The following KAZN variants were observed in gnomAD, a reference collection of about 807,000 sequenced individuals.
The protein encoded by KAZN is kazrin, periplakin interacting protein, also known as kazrin.
KAZN carries 40 observed loss-of-function variants against 87.4 expected under a neutral mutation model. The ratio of observed to expected loss-of-function variants is 0.46; its 90% CI spans 0.36 to 0.60. KAZN has a LOEUF of 0.60. Among genes scored for constraint, KAZN ranks in the 20% least tolerant of loss-of-function variants. KAZN has a pLI of 0.00. For missense variants in KAZN, 898 were observed against 1,073.9 expected (o/e 0.84, Z 2.29); for synonymous variants, 466 against 458.3 (o/e 1.02, Z -0.22).
intron 1 of KAZN, among the ~76,000 whole-genome samples, chr1:14,665,742 A>G (rs899209700): frequency 6.6e-6 from 1 of 152,110 alleles, no homozygotes; most frequent in African/African-American, 2.4e-5. Flanking sequence ...GACTTGGCCC[A>G]CTGTCAAGCC....
In KAZN at chr1:14,565,544, G is replaced by A. The variant is rs533364240; in HGVS notation, c.250-33439G>A. 1.2e-4 allele frequency among the ~76,000 whole-genome samples: 18 copies of A among 152,296 alleles called. No homozygotes were observed. The South Asian group carries it at 3.5e-3, about 30-fold the overall frequency. ...TTAAAATAAGACAACAATGAAGCTT[G>A]ACACATTGATTAACCCTTCCTTTCG... On this transcript the variant is annotated intron_variant, in intron 2 of 16. Coordinates refer to the KAZN transcript ENST00000636203.
intron 2 of KAZN, among the ~76,000 whole-genome samples, chr1:14,464,810 G>A (rs1237120407): frequency 4.6e-5 from 7 of 151,952 alleles, no homozygotes; most frequent in African/African-American, 1.7e-4. Flanking sequence ...CAAAGTGCTG[G>A]GATTACAGGC....
intron 2 of KAZN, among the ~76,000 whole-genome samples, chr1:14,495,243 A>G (rs1669875083): frequency 6.6e-6 from 1 of 152,218 alleles, no homozygotes; most frequent in African/African-American, 2.4e-5. Flanking sequence ...AAGGTCAATC[A>G]ATAGACAATT....
chr1:14,146,307 G>A (rs945792542), intron 1 of KAZN, among the ~76,000 whole-genome samples: 1 of 151,912 alleles, frequency 6.6e-6, no homozygotes, highest in Non-Finnish European at 1.5e-5. Flanking sequence ...GGCCGAGGCA[G>A]GTGGATCGCC....
At chr1:15,029,649 G>A (rs1409402392) in intron 2 of KAZN, among the ~76,000 whole-genome samples, 2 of 152,236 alleles carry the variant, frequency 1.3e-5, no homozygotes, top group African/African-American at 4.8e-5. Context: ...GCCATGTTGA[G>A]GTGCTGGGGG....
intron 1 of KAZN, among the ~76,000 whole-genome samples, chr1:14,001,337 T>C (rs10927990): frequency 0.15 from 22,039 of 151,972 alleles, 1,687 homozygotes; most frequent in Middle Eastern, 0.22. Flanking sequence ...CAAACCACTG[T>C]TCAAGCAAAT....
At chr1:14,241,010 G>T (rs1384655545) in intron 2 of KAZN, among the ~76,000 whole-genome samples, 2 of 152,360 alleles carry the variant, frequency 1.3e-5, no homozygotes, top group East Asian at 3.9e-4. Flanking sequence ...TCTGTAAAGT[G>T]AGGATCACAA....
At chr1:14,622,543 T>C (rs1301509450) in intron 1 of KAZN, among the ~76,000 whole-genome samples, 1 of 151,532 alleles carries the variant, frequency 6.6e-6, no homozygotes, top group Non-Finnish European at 1.5e-5. Context: ...ACAAAAAAAT[T>C]AGCCGGGCGT....
intron 2 of KAZN, among the ~76,000 whole-genome samples, chr1:15,029,624 G>T (rs1671487694): frequency 1.3e-5 from 2 of 152,198 alleles, no homozygotes; most frequent in South Asian, 4.1e-4. Context: ...TTTGTGAGAG[G>T]AAAGGCCTGG....
chr1:14,334,940 C>T (rs1257181445), intron 2 of KAZN, among the ~76,000 whole-genome samples: 1 of 151,072 alleles, frequency 6.6e-6, no homozygotes. Context: ...GAAATAGACA[C>T]AGAGACAGAG....
intron 1 of KAZN, among the ~76,000 whole-genome samples, chr1:14,746,426 T>C (rs1194010040): frequency 1.3e-5 from 2 of 151,994 alleles, no homozygotes; most frequent in East Asian, 3.9e-4. Context: ...TGCAGGTTTC[T>C]TGAGGGAGAG....
chr1:15,062,807 C>T (rs1638903991), intron 6 of KAZN: 1 of 152,184 alleles, frequency 6.6e-6, no homozygotes, highest in Non-Finnish European at 1.5e-5. Flanking sequence ...CCACGTAAGG[C>T]AGGGCTGGCA....
chr1:14,653,495 A>G (rs1638580752), intron 1 of KAZN, among the ~76,000 whole-genome samples: 1 of 152,168 alleles, frequency 6.6e-6, no homozygotes, highest in Non-Finnish European at 1.5e-5. Context: ...GGGCGGCCAG[A>G]CCGGTCTCAG....
intron 2 of KAZN, among the ~76,000 whole-genome samples, chr1:14,477,425 CCTCTCT>C (rs34725397): frequency 2.1e-5 from 3 of 142,256 alleles, no homozygotes; most frequent in South Asian, 2.2e-4. Context: ...TAATTCATTC[CCTCTCT>C]CTCTCTCTCT....
At chr1:14,506,588 G>T (rs1670595686) in intron 2 of KAZN, among the ~76,000 whole-genome samples, 1 of 152,034 alleles carries the variant, frequency 6.6e-6, no homozygotes, top group African/African-American at 2.4e-5. Context: ...GCCAAAGTGG[G>T]GATCATCATT....
intron 1 of KAZN, among the ~76,000 whole-genome samples, chr1:13,946,860 C>T (rs1025277612): frequency 4.6e-5 from 7 of 151,478 alleles, no homozygotes; most frequent in African/African-American, 7.3e-5. Flanking sequence ...GCTGCTGTTA[C>T]GAATGACCAC....
chr1:14,110,973 T>C (rs1239666969), intron 1 of KAZN, among the ~76,000 whole-genome samples: 2 of 135,080 alleles, frequency 1.5e-5, no homozygotes, highest in African/African-American at 5.7e-5. Context: ...ATTTGCATTA[T>C]ATTTCTGCTG....
chr1:14,547,563 G>T (rs938465874), intron 2 of KAZN, among the ~76,000 whole-genome samples: 1 of 152,064 alleles, frequency 6.6e-6, no homozygotes, highest in Non-Finnish European at 1.5e-5. Context: ...TAGTGTTAAG[G>T]TTTTTAAAAT....
chr1:14,945,912 T>TATCA, intron 1 of KAZN: 2 of 985,428 alleles, frequency 2.0e-6, no homozygotes, highest in Non-Finnish European at 2.4e-6. Flanking sequence ...AGGCATGCCC[T>TATCA]GTGATGGCAT....
Sources: allele counts gnomAD v4.1 joint callset (sites outside exome capture counted in the v4.1 genomes callset), GRCh38; gene constraint gnomAD v4.1.1; transcripts MANE v1.5; gene names NCBI Gene and HGNC (gene_info 2026-07-23, HGNC 2026-07-21).